The following ZNF292 variants were observed in gnomAD, a reference collection of about 807,000 sequenced individuals.
ZNF292 encodes 16 zinc-finger domain protein.
ZNF292 carries 26 observed loss-of-function variants against 217.9 expected under a neutral mutation model. The observed-to-expected ratio is 0.12, with a 90% CI of 0.09 to 0.17. The LOEUF is 0.17. ZNF292 is among the 10% of genes least tolerant of loss of function. ZNF292 has a pLI of 1.00. For missense variants in ZNF292, 2,904 were observed against 3,175.2 expected (o/e 0.91, Z 2.05); for synonymous variants, 1,257 against 1,124.1 (o/e 1.12, Z -2.37).
At chr6:87,196,347 C>CT (rs1451924153) in intron 1 of ZNF292, among the ~76,000 whole-genome samples, 1 of 152,162 alleles carries the variant, frequency 6.6e-6, no homozygotes, top group Admixed American at 6.5e-5. Context: ...AGCATTGCCA[C>CT]TTTTTGTTTC....
At chr6:87,207,453 T>G (rs1772293505) in intron 1 of ZNF292, among the ~76,000 whole-genome samples, 1 of 152,186 alleles carries the variant, frequency 6.6e-6, no homozygotes. Flanking sequence ...AAGTTTGTAG[T>G]TTTCTTTGTT....
At position 87,242,154 on chromosome 6, in the gene ZNF292, G is replaced by A. The variant is rs553846457; in HGVS notation, c.742-1321G>A. ...TTTACTTTATAAATATATATCCTTC[G>A]GTCTTTTTTTATTTGCTTAAATCAA... On this transcript the variant is annotated intron_variant, in intron 5 of 7. Transcript: ENST00000369577. Among the ~76,000 whole-genome samples the A allele has an allele frequency of 4.6e-5, 7 of 151,922 alleles. No homozygotes were observed. The South Asian group carries it at 1.2e-3, about 27-fold the overall frequency.
chr6:87,259,494 A>G lies in ZNF292; in HGVS notation c.5865A>G (p.Thr1955=). The G allele has an allele frequency of 6.3e-7, 1 of 1,589,176 alleles. No individual in the cohort carries two copies. The highest frequency in any genetic ancestry group is 8.6e-7 in the Non-Finnish European group (1 of 1,166,362). ...APFKCVVPTC[T]KTFTRNSNLR... is the part of the protein sequence containing the mutation. ...TTAAATGTGTAGTACCTACATGTACAAAAACATTTACAAGAAATTCTAACC... is the reference window on the plus strand; with the variant it reads ...TTAAATGTGTAGTACCTACATGTACGAAAACATTTACAAGAAATTCTAACC... Residue 1955 remains threonine, a synonymous_variant, in exon 8 of 8, where the codon ACA becomes ACG. Coordinates refer to ENST00000369577, the MANE Select transcript of ZNF292 (RefSeq NM_015021.3).
intron 1 of ZNF292, among the ~76,000 whole-genome samples, chr6:87,191,421 G>C (rs1250971935): frequency 2.0e-5 from 3 of 152,118 alleles, no homozygotes; most frequent in Admixed American, 2.0e-4. Context: ...CACTTAGATT[G>C]TTAACAATGT....
intron 1 of ZNF292, among the ~76,000 whole-genome samples, chr6:87,199,700 C>G (rs1195442273): frequency 6.6e-6 from 1 of 152,194 alleles, no homozygotes; most frequent in African/African-American, 2.4e-5. Flanking sequence ...GAGAATGGAT[C>G]ACATGCCCTC....
In ZNF292 at chr6:87,256,998, C is replaced by G; in HGVS notation, c.3369C>G (p.His1123Gln). 1 of 1,613,704 alleles carries G rather than the reference C, an allele frequency of 6.2e-7. No individual in the cohort carries two copies. Among genetic ancestry groups the G allele is most frequent in the Non-Finnish European group, 8.5e-7 (1 of 1,179,790 alleles). Residue 1123 changes from histidine to glutamine, a missense_variant, in exon 8 of 8, where the codon CAC becomes CAG. Physicochemically the swap from His to Gln is conservative, Grantham distance 24. Coordinates refer to ENST00000369577, the MANE Select transcript of ZNF292 (RefSeq NM_015021.3). ...TTGGGAAACACATGAAGACAGCACACCCTGACCAATATGCTGCATTTAAAA... is the reference window on the plus strand; with the variant it reads ...TTGGGAAACACATGAAGACAGCACAGCCTGACCAATATGCTGCATTTAAAA... ...QSIGKHMKTA[H>Q]PDQYAAFKMQ...
chr6:87,169,995 A>G (rs1270313534), intron 1 of ZNF292: 1 of 154,646 alleles, frequency 6.5e-6, no homozygotes, highest in East Asian at 1.9e-4. Flanking sequence ...ATTTTTCTAC[A>G]TGAACATATG....
intron 1 of ZNF292, among the ~76,000 whole-genome samples, chr6:87,212,777 T>C (rs1196635383): frequency 6.6e-6 from 1 of 152,204 alleles, no homozygotes; most frequent in African/African-American, 2.4e-5. Context: ...CTAATCAAAA[T>C]CACCATGCAA....
chr6:87,172,726 CA>C (rs1771141846), intron 1 of ZNF292, among the ~76,000 whole-genome samples: 1 of 151,780 alleles, frequency 6.6e-6, no homozygotes, highest in African/African-American at 2.4e-5. Context: ...GGCAACACGG[CA>C]AAACCTCATC....
In ZNF292 at chr6:87,260,014, C is replaced by G. The variant is rs1252972006; in HGVS notation, c.6385C>G (p.Gln2129Glu). 15 of 1,613,432 alleles carry G rather than the reference C, an allele frequency of 9.3e-6. No homozygotes were observed. The highest frequency in any genetic ancestry group is 1.3e-5 in the Non-Finnish European group (15 of 1,179,656). ...QGCFAAFTIQ[Q>E]NLILHYQAVH... ...ATGCTTTGCTGCCTTTACGATACAGCAAAACTTGATTCTCCATTACCAGGC... is the reference window on the plus strand; with the variant it reads ...ATGCTTTGCTGCCTTTACGATACAGGAAAACTTGATTCTCCATTACCAGGC... The change falls in exon 8 of 8, where the codon CAA becomes GAA. Residue 2129 changes from glutamine to glutamate, a missense_variant. By Grantham distance (29) the Gln-to-Glu change is conservative. Coordinates refer to ENST00000369577, the MANE Select transcript of ZNF292 (RefSeq NM_015021.3).
In ZNF292 at chr6:87,238,655, T is replaced by A. The variant is rs547968393; in HGVS notation, c.742-4820T>A. Among the ~76,000 whole-genome samples the A allele has an allele frequency of 1.4e-3, 215 of 151,318 alleles. 2 individuals are homozygous for A. Among genetic ancestry groups the A allele is most frequent in the African/African-American group, 5.0e-3 (206 of 41,282 alleles). On this transcript the variant is annotated intron_variant, in intron 5 of 7. Coordinates refer to ENST00000369577, the MANE Select transcript of ZNF292 (RefSeq NM_015021.3). ...TAAGTATTTATTTTTTTTATTTTTT[T>A]ATTTTTTTATTTCTTTTTGGTTTTG... is the stretch of plus-strand genomic sequence containing the variant.
At chr6:87,236,053 A>G (rs1047672576) in intron 5 of ZNF292, among the ~76,000 whole-genome samples, 1 of 152,198 alleles carries the variant, frequency 6.6e-6, no homozygotes, top group African/African-American at 2.4e-5. Context: ...ATTGTTCCAT[A>G]TGAGGTGAGT....
chr6:87,249,654 C>G (rs1774800400), intron 7 of ZNF292, among the ~76,000 whole-genome samples: 3 of 151,986 alleles, frequency 2.0e-5, no homozygotes, highest in Admixed American at 1.3e-4. Flanking sequence ...TAATAACTCT[C>G]TTCATTTTCC....
rs565654548 is a variant in ZNF292 at position 87,228,280 on chromosome 6, TTTG to T, written c.539-5035_539-5033del. On this transcript the variant is annotated intron_variant, in intron 4 of 7. Transcript: ENST00000369577. Reference sequence around the variant, plus strand: ...TTAGTCCATATTTTAACTGGATTTTTTTGTTGTTGTTGAGTTAAAGGAGCTCTT... The same window carrying T: ...TTAGTCCATATTTTAACTGGATTTTTTTGTTGTTGAGTTAAAGGAGCTCTT... 9.8e-4 allele frequency among the ~76,000 whole-genome samples: 149 copies of T among 152,304 alleles called. 1 individual carries two copies. The highest frequency in any genetic ancestry group is 2.0e-3 in the African/African-American group (84 of 41,566).
chr6:87,192,200 C>A (rs1017642982), intron 1 of ZNF292, among the ~76,000 whole-genome samples: 3 of 152,072 alleles, frequency 2.0e-5, no homozygotes, highest in African/African-American at 7.2e-5. Context: ...TTATGGTTTA[C>A]GGATTGATTT....
At chr6:87,199,498 TG>T (rs1335211234) in intron 1 of ZNF292, among the ~76,000 whole-genome samples, 1 of 149,646 alleles carries the variant, frequency 6.7e-6, no homozygotes, top group Non-Finnish European at 1.5e-5. Context: ...TTTGATGAAT[TG>T]AAGTCCAATT....
chr6:87,186,979 C>G (rs534255698), intron 1 of ZNF292, among the ~76,000 whole-genome samples: 1 of 152,178 alleles, frequency 6.6e-6, no homozygotes, highest in Admixed American at 6.5e-5. Context: ...AGACTAGAGC[C>G]TTTGGTGTGT....
chr6:87,242,733 T>G (rs923917325), intron 5 of ZNF292, among the ~76,000 whole-genome samples: 4 of 152,216 alleles, frequency 2.6e-5, no homozygotes, highest in African/African-American at 9.6e-5. Context: ...CAATCACAGG[T>G]AAAGTCTGTT....
In ZNF292 at chr6:87,264,373, T is replaced by A. The variant is rs559867317; in HGVS notation, c.*2572T>A. Among the ~76,000 whole-genome samples the A allele has an allele frequency of 9.5e-4, 144 of 152,320 alleles. 1 individual carries two copies. Among genetic ancestry groups the A allele is most frequent in the Non-Finnish European group, 1.6e-3 (109 of 68,034 alleles). On this transcript the variant is annotated 3_prime_UTR_variant, in exon 8 of 8. Transcript: ENST00000369577. ...AGTGAAATGTAACAGTTTTTGAAAT[T>A]TTCAACGGTGTTAAATTTAACATAG... is the stretch of plus-strand genomic sequence containing the variant.
Sources: gnomAD v4.1 joint callset for allele counts (sites outside exome capture counted in the v4.1 genomes callset) on GRCh38, gnomAD v4.1.1 for gene constraint, MANE v1.5 for transcripts, NCBI Gene and HGNC (gene_info 2026-07-23, HGNC 2026-07-21) for gene names.